Variants in LRBA observed in about 807,000 individuals in gnomAD.
The protein encoded by LRBA is lipopolysaccharide-responsive and beige-like anchor protein.
LRBA carries 176 observed loss-of-function variants against 330.0 expected under a neutral mutation model. The ratio of observed to expected loss-of-function variants is 0.53; its 90% CI spans 0.47 to 0.60. The LOEUF is 0.60. Ranked by LOEUF, LRBA falls within the 20% of genes least tolerant of loss-of-function variation. LRBA has a pLI of 0.00. For missense variants in LRBA, 3,259 were observed against 3,444.8 expected (o/e 0.95, Z 1.35); for synonymous variants, 1,230 against 1,193.0 (o/e 1.03, Z -0.64).
rs1579057731 is a variant in LRBA, at chr4:150,871,839, G to A, written c.2259-386C>T. Among the ~76,000 whole-genome samples the A allele has an allele frequency of 5.3e-5, 8 of 152,210 alleles. 2 individuals carry two copies. The highest frequency in any genetic ancestry group is 2.1e-4 in the South Asian group (1 of 4,822). ...ATAAATACTTAAGTAGAAAAACAAT[G>A]TGGAGAAAAAGTAGAAGAAATGTAA... On this transcript the variant is annotated intron_variant, in intron 18 of 56. Transcript: ENST00000651943.
rs539976760 is a variant in LRBA, at chr4:150,481,339, G to A, written c.6551+6393C>T. ...CTCTTCAATGTACTGATATCCTTTC[G>A]TGTGGATAGATGCCCAGTAGTGGGA... On this transcript the variant is annotated intron_variant, in intron 42 of 56. Transcript: ENST00000651943. 4.6e-5 allele frequency among the ~76,000 whole-genome samples: 7 copies of A among 152,112 alleles called. No individual in the cohort carries two copies. In the East Asian group the frequency reaches 1.2e-3, roughly 25 times the overall value.
At chr4:150,668,699 A>G (rs761744200) in intron 37 of LRBA, among the ~76,000 whole-genome samples, 16 of 152,256 alleles carry the variant, frequency 1.1e-4, no homozygotes, top group Non-Finnish European at 2.2e-4. Flanking sequence ...AATGGCATTT[A>G]TAAGTTAGAA....
At position 150,302,654 on chromosome 4, in the gene LRBA, T is replaced by A. The variant is rs545676209; in HGVS notation, c.7988A>T (p.Lys2663Ile). Residue 2663 changes from lysine (K) to isoleucine (I), a missense_variant, in exon 53 of 57, where the codon AAA becomes ATA. Coordinates refer to ENST00000651943, the MANE Select transcript of LRBA (RefSeq NM_001364905.1). ...ATLLLWYWNGKCSGIGDNPGS... is the reference protein window; with the variant it reads ...ATLLLWYWNGICSGIGDNPGS... ...TGGGTTATCTCCAATCCCACTGCAT[T>A]TTCCATTCCAATACCACAGCAAAAG... 2 of 1,611,854 alleles carry A rather than the reference T, an allele frequency of 1.2e-6. No homozygotes were observed. The highest frequency in any genetic ancestry group is 3.3e-5 in the Admixed American group (2 of 59,792).
chr4:150,946,848 C>T (rs1736301862), intron 2 of LRBA, among the ~76,000 whole-genome samples: 1 of 150,294 alleles, frequency 6.7e-6, no homozygotes, highest in South Asian at 2.1e-4. Flanking sequence ...ACTTAAAAAG[C>T]AGCAAGAAAT....
At chr4:150,312,429 G>A (rs1299981910) in intron 51 of LRBA, among the ~76,000 whole-genome samples, 1 of 151,858 alleles carries the variant, frequency 6.6e-6, no homozygotes, top group African/African-American at 2.4e-5. Context: ...TCTCCTGTGA[G>A]TTTTCCTTTC....
chr4:150,436,683 G>A (rs1320304690), intron 45 of LRBA, 41 bp downstream of exon 45: 40 of 1,566,304 alleles, frequency 2.6e-5, no homozygotes, highest in Non-Finnish European at 3.5e-5. Flanking sequence ...TCACAACACT[G>A]AATTTATTTA....
chr4:150,458,722 T>C (rs982713081), intron 44 of LRBA, among the ~76,000 whole-genome samples: 1 of 151,918 alleles, frequency 6.6e-6, no homozygotes, highest in African/African-American at 2.4e-5. Flanking sequence ...TCACTTTCCA[T>C]AGCATAATTT....
At chr4:150,693,533 C>T (rs1784335893) in intron 36 of LRBA, among the ~76,000 whole-genome samples, 1 of 116,480 alleles carries the variant, frequency 8.6e-6, no homozygotes, top group Non-Finnish European at 1.7e-5. Flanking sequence ...CACTGCACTC[C>T]AGCCTGGGTG....
chr4:150,676,005 T>C (rs1490214485), intron 37 of LRBA, among the ~76,000 whole-genome samples: 2 of 152,188 alleles, frequency 1.3e-5, no homozygotes, highest in Admixed American at 6.5e-5. Context: ...TGCAGTAAGT[T>C]ATTTGTGTTA....
intron 41 of LRBA, among the ~76,000 whole-genome samples, chr4:150,488,486 A>C: frequency 6.6e-6 from 1 of 151,622 alleles, no homozygotes; most frequent in East Asian, 1.9e-4. Context: ...ATCCTATTTC[A>C]ATAATTTCAC....
At chr4:150,980,394 T>C (rs1740700098) in intron 2 of LRBA, among the ~76,000 whole-genome samples, 2 of 152,176 alleles carry the variant, frequency 1.3e-5, no homozygotes, top group Non-Finnish European at 2.9e-5. Flanking sequence ...AAACTGAAAG[T>C]CTTTCCTCTA....
At chr4:150,644,101 G>A (rs544753447) in intron 37 of LRBA, among the ~76,000 whole-genome samples, 21 of 151,972 alleles carry the variant, frequency 1.4e-4, no homozygotes, top group Non-Finnish European at 1.8e-4. Flanking sequence ...AAAGAGAAAC[G>A]TAGACTTTAA....
intron 2 of LRBA, among the ~76,000 whole-genome samples, chr4:151,003,797 A>G (rs531667381): frequency 2.0e-5 from 3 of 152,112 alleles, no homozygotes; most frequent in Non-Finnish European, 4.4e-5. Flanking sequence ...GTCTCAAAAC[A>G]AAAAGAAAAG....
At chr4:150,343,102 T>C (rs545434946) in intron 48 of LRBA, among the ~76,000 whole-genome samples, 2 of 152,272 alleles carry the variant, frequency 1.3e-5, no homozygotes, top group South Asian at 4.1e-4. Flanking sequence ...GTTTCACAAC[T>C]GACATGAAGC....
At position 150,265,127 on chromosome 4, in the gene LRBA, C is replaced by T. The variant is rs1253670520; in HGVS notation, c.*595G>A. ...AATTAGATTCCTTGTGCTAACCACA[C>T]AATAAAATAGCCTCCCCCAAACCAT... On this transcript the variant is annotated 3_prime_UTR_variant, in exon 57 of 57. Coordinates refer to ENST00000651943, the MANE Select transcript of LRBA (RefSeq NM_001364905.1). 6.5e-6 allele frequency: 1 copy of T among 152,924 alleles called. No individual in the cohort carries two copies. The highest frequency in any genetic ancestry group is 1.5e-5 in the Non-Finnish European group (1 of 68,266). The allele number at this position is 152,924 out of a possible 1,614,324, so 9.5% of individuals were successfully genotyped here. A position where few individuals can be genotyped will look rare whatever the true frequency, so the allele number is the denominator to read the frequency against.
intron 29 of LRBA, among the ~76,000 whole-genome samples, chr4:150,830,160 T>C (rs1455429760): frequency 2.0e-5 from 3 of 152,188 alleles, no homozygotes; most frequent in South Asian, 2.1e-4. Context: ...CCATGTCTCC[T>C]GGTATGCATC....
At chr4:150,386,628 T>C (rs1174833188) in intron 47 of LRBA, among the ~76,000 whole-genome samples, 4 of 152,166 alleles carry the variant, frequency 2.6e-5, no homozygotes, top group Non-Finnish European at 1.5e-5. Flanking sequence ...TACTATTCCA[T>C]GGAGTATATG....
intron 47 of LRBA, among the ~76,000 whole-genome samples, chr4:150,377,422 A>G (rs1470353274): frequency 1.3e-5 from 2 of 152,362 alleles, no homozygotes; most frequent in South Asian, 2.1e-4. Context: ...TCATAAAACT[A>G]TATCATTTGC....
At chr4:150,963,395 C>T (rs911569796) in intron 2 of LRBA, among the ~76,000 whole-genome samples, 11 of 149,598 alleles carry the variant, frequency 7.4e-5, no homozygotes, top group East Asian at 5.8e-4. Flanking sequence ...CCCTGTTGGC[C>T]GGGCTGGTCT....
Sources: allele counts gnomAD v4.1 joint callset (sites outside exome capture counted in the v4.1 genomes callset), GRCh38; gene constraint gnomAD v4.1.1; transcripts MANE v1.5; gene names NCBI Gene and HGNC (gene_info 2026-07-23, HGNC 2026-07-21).